ADCY1: variants seen among roughly 807,000 people sequenced by gnomAD.
ADCY1 encodes adenylate cyclase 1, also known as adenylate cyclase type 1.
ADCY1 carries 28 observed loss-of-function variants against 105.4 expected under a neutral mutation model. The observed-to-expected ratio is 0.27, with a 90% CI of 0.20 to 0.36. The LOEUF (loss-of-function observed/expected upper bound fraction) is 0.36. Among genes scored for constraint, ADCY1 ranks in the 10% least tolerant of loss-of-function variants. The pLI is 1.00. For synonymous variants in ADCY1, 655 were observed against 623.8 expected, an observed-to-expected ratio of 1.05 and a Z score of -0.75; for missense variants, 977 against 1,434.2, an observed-to-expected ratio of 0.68 and a Z score of 5.15.
At chr7:45,623,307 T>G (rs906358150) in intron 4 of ADCY1, among the ~76,000 whole-genome samples, 1 of 152,230 alleles carries the variant, frequency 6.6e-6, no homozygotes, top group Non-Finnish European at 1.5e-5. Context: ...TTCTGCTGAA[T>G]GTCGGGCCAA....
At chr7:45,637,742 G>T (rs1241694948) in intron 4 of ADCY1, among the ~76,000 whole-genome samples, 1 of 152,076 alleles carries the variant, frequency 6.6e-6, no homozygotes, top group Non-Finnish European at 1.5e-5. Context: ...ATAAATAAAA[G>T]AATTTTAAAA....
chr7:45,629,434 T>C (rs1396145519), intron 4 of ADCY1, among the ~76,000 whole-genome samples: 1 of 152,328 alleles, frequency 6.6e-6, no homozygotes, highest in East Asian at 1.9e-4. Context: ...TACAAGTCTA[T>C]GTATGGGTAT....
rs566088249 is a variant in ADCY1 at position 45,703,333 on chromosome 7, C to T, written c.2455-43C>T. ...AGTGTGCGGTGGGAACAAGTGAAGG[C>T]AGCGTGAGTGGATGGGACTAATGGA... is the stretch of plus-strand genomic sequence containing the variant. On this transcript the variant is annotated intron_variant, in intron 14 of 19. Coordinates refer to ENST00000297323, the MANE Select transcript of ADCY1 (RefSeq NM_021116.4). This position sits in a 1 kb window ranked among gnomAD's most constrained non-coding sequence, Gnocchi z 5.9. 7 of 1,574,990 alleles carry T rather than the reference C, an allele frequency of 4.4e-6. No individual in the cohort carries two copies. The East Asian group carries it at 9.0e-5, about 20-fold the overall frequency.
At chr7:45,673,863 C>T (rs1363117348) in intron 8 of ADCY1, among the ~76,000 whole-genome samples, 1 of 150,202 alleles carries the variant, frequency 6.7e-6, no homozygotes, top group Non-Finnish European at 1.5e-5. Context: ...TGATTTGAGA[C>T]TTTTTCTTTT....
intron 19 of ADCY1, among the ~76,000 whole-genome samples, chr7:45,712,996 A>G (rs77170473): frequency 0.019 from 2,842 of 152,118 alleles, 41 homozygotes; most frequent in Middle Eastern, 0.054. Context: ...AGAGGCAGCT[A>G]TGCCGGGGTC....
intron 3 of ADCY1, among the ~76,000 whole-genome samples, chr7:45,610,912 GGAAGTA>G (rs1793558071): frequency 3.3e-5 from 5 of 151,510 alleles, no homozygotes; most frequent in East Asian, 3.9e-4. Flanking sequence ...AGGTGATAAT[GGAAGTA>G]TGGAGGTGAT....
rs7795678 is a variant in ADCY1, at chr7:45,674,479, A to G, written c.1606-3390A>G. Among the ~76,000 whole-genome samples the G allele has an allele frequency of 5.0e-3, 761 of 152,082 alleles. 6 individuals are homozygous for G. Among genetic ancestry groups the G allele is most frequent in the African/African-American group, 0.018 (726 of 41,480 alleles). On this transcript the variant is annotated intron_variant, in intron 8 of 19. Transcript: ENST00000297323. Reference sequence around the variant, plus strand: ...AACCTCTGCCTCCTGGGTTCGAGCAATTCTCTGCCTCACCCTCTCGAGTAG... The same window carrying G: ...AACCTCTGCCTCCTGGGTTCGAGCAGTTCTCTGCCTCACCCTCTCGAGTAG...
intron 2 of ADCY1, among the ~76,000 whole-genome samples, chr7:45,605,218 G>T (rs1793342330): frequency 6.6e-6 from 1 of 151,870 alleles, no homozygotes; most frequent in African/African-American, 2.4e-5. Context: ...AGTCTTTTTG[G>T]TACAATTTTC....
intron 5 of ADCY1, among the ~76,000 whole-genome samples, chr7:45,655,157 T>C (rs1169937594): frequency 1.3e-5 from 2 of 152,260 alleles, no homozygotes; most frequent in Non-Finnish European, 2.9e-5. Flanking sequence ...AATGAATGTA[T>C]GCTTACCTGT....
intron 4 of ADCY1, among the ~76,000 whole-genome samples, chr7:45,638,997 T>C (rs1157099014): frequency 1.3e-5 from 2 of 152,164 alleles, no homozygotes; most frequent in African/African-American, 2.4e-5. Context: ...ACATGGGATG[T>C]GTGTCCCACA....
At chr7:45,664,486 C>G in intron 8 of ADCY1, 1 of 1,451,164 alleles carries the variant, frequency 6.9e-7, no homozygotes, top group Non-Finnish European at 9.1e-7. Context: ...TCTCAGCACT[C>G]TCTCCTGATC....
chr7:45,628,361 G>A (rs1794125758), intron 4 of ADCY1, among the ~76,000 whole-genome samples: 1 of 152,126 alleles, frequency 6.6e-6, no homozygotes, highest in South Asian at 2.1e-4. Context: ...CCATCTCCAT[G>A]CTCCTGCCCA....
chr7:45,689,125 G>T (rs1008196193), intron 14 of ADCY1, among the ~76,000 whole-genome samples: 8 of 151,514 alleles, frequency 5.3e-5, no homozygotes, highest in African/African-American at 1.9e-4. Flanking sequence ...TGAATTCCAG[G>T]TTCTGGAGTG....
At position 45,634,525 on chromosome 7, in the gene ADCY1, T is replaced by C. The variant is rs73117933; in HGVS notation, c.1020+11782T>C. Among the ~76,000 whole-genome samples, 1,150 of 151,988 alleles carry C rather than the reference T, an allele frequency of 7.6e-3. 5 individuals carry two copies. Among genetic ancestry groups the C allele is most frequent in the Non-Finnish European group, 0.011 (741 of 67,952 alleles). On this transcript the variant is annotated intron_variant, in intron 4 of 19. Transcript: ENST00000297323. ...ATGGTTTTTCTTTTTAGTCTGCTCA[T>C]ATAATGAATTACCTTGATTGATGGT...
In ADCY1 at chr7:45,610,483, G is replaced by T; in HGVS notation, c.894G>T (p.Arg298Ser). Residue 298 changes from arginine to serine, a missense_variant, in exon 3 of 20, where the codon AGG becomes AGT. Around this residue, in one of 7 missense-constraint regions of ADCY1, gnomAD observed 196 missense variants for 347.8 expected, o/e 0.56. Coordinates refer to ENST00000297323, the MANE Select transcript of ADCY1 (RefSeq NM_021116.4). Reference sequence around the variant, plus strand: ...TTTTCCACAAGATTTACATCCAGAGGCACGACAATGTGAGGTAGGGCTGGT... The same window carrying T: ...TTTTCCACAAGATTTACATCCAGAGTCACGACAATGTGAGGTAGGGCTGGT... ...ERIFHKIYIQ[R>S]HDNVSILFAD... The T allele has an allele frequency of 1.2e-6, 2 of 1,613,880 alleles. No homozygotes were observed. The highest frequency in any genetic ancestry group is 1.7e-6 in the Non-Finnish European group (2 of 1,179,888).
intron 8 of ADCY1, chr7:45,664,266 C>T: frequency 6.5e-7 from 1 of 1,534,820 alleles, no homozygotes; most frequent in Non-Finnish European, 8.7e-7. Context: ...TCGGACCCCA[C>T]ACATCTGATG....
At position 45,575,005 on chromosome 7, in the gene ADCY1, G is replaced by T; in HGVS notation, c.462G>T (p.Gly154=). The change falls in exon 1 of 20, where the codon GGG becomes GGT. Residue 154 remains glycine, a synonymous_variant. Coordinates refer to ENST00000297323, the MANE Select transcript of ADCY1 (RefSeq NM_021116.4). The surrounding 1 kb of genome is among the most constrained non-coding windows in gnomAD (Gnocchi z 4.7). ...GPARGSAGAA[G]GPATAEQGVW... ...CCCGGGGTTCCGCCGGGGCCGCTGG[G>T]GGGCCAGCGACCGCCGAACAAGGGG... 6.2e-7 allele frequency: 1 copy of T among 1,611,488 alleles called. No homozygotes were observed. The highest frequency in any genetic ancestry group is 8.5e-7 in the Non-Finnish European group (1 of 1,179,288).
intron 1 of ADCY1, among the ~76,000 whole-genome samples, chr7:45,576,953 C>G (rs1033182951): frequency 3.3e-5 from 5 of 152,154 alleles, no homozygotes; most frequent in Admixed American, 3.3e-4. Context: ...TCCTATATAG[C>G]CTCTAGTCAT....
intron 2 of ADCY1, among the ~76,000 whole-genome samples, chr7:45,602,171 T>G (rs960488103): frequency 2.0e-5 from 3 of 151,602 alleles, no homozygotes; most frequent in Admixed American, 1.3e-4. Flanking sequence ...AAGCGTGAGC[T>G]CTGCCTTCCT....
Sources: gnomAD v4.1 joint callset for allele counts (sites outside exome capture counted in the v4.1 genomes callset) on GRCh38, gnomAD v4.1.1 for gene constraint, gnomAD v4.1.1 regional missense constraint, Gnocchi (gnomAD v3.1) non-coding constraint, MANE v1.5 for transcripts, NCBI Gene and HGNC (gene_info 2026-07-23, HGNC 2026-07-21) for gene names.